IQGAP3: variants seen among roughly 807,000 people sequenced by gnomAD.
IQGAP3 encodes IQ motif containing GTPase activating protein 3.
Under a neutral mutation model 208.2 loss-of-function variants are expected in IQGAP3, and 165 were observed. That is an observed-to-expected ratio of 0.79 (90% CI 0.70 to 0.90). The LOEUF is 0.90. IQGAP3 is among the 40% of genes least tolerant of loss of function. The pLI is 0.00. For missense variants in IQGAP3, 1,811 were observed against 2,043.1 expected (o/e 0.89, Z 2.19); for synonymous variants, 703 against 803.6 (o/e 0.87, Z 2.12).
chr1:156,533,570 G>C (rs776765888), intron 31 of IQGAP3, among the ~76,000 whole-genome samples: 3 of 152,102 alleles, frequency 2.0e-5, no homozygotes, highest in African/African-American at 4.8e-5. Context: ...CATGATGATC[G>C]TGGGTCCCTC....
chr1:156,544,383 A>C lies in IQGAP3; in HGVS notation c.2388+6T>G. The C allele has an allele frequency of 6.2e-7, 1 of 1,610,794 alleles. No homozygotes were observed. The highest frequency in any genetic ancestry group is 8.5e-7 in the Non-Finnish European group (1 of 1,176,938). ...GAAAGGAGCCTGCCAAAACCACCGT[A>C]GCTACCTTGATTATGGCATCCAGGT... On this transcript the variant is annotated splice_donor_region_variant and intron_variant, in intron 20 of 37. Transcript: ENST00000361170.
Position 156,534,026 on chromosome 1 carries a change from G to T in IQGAP3, c.3856C>A (p.Leu1286Met). 6.2e-7 allele frequency: 1 copy of T among 1,613,718 alleles called. No individual in the cohort carries two copies. Among genetic ancestry groups the T allele is most frequent in the Non-Finnish European group, 8.5e-7 (1 of 1,180,010 alleles). The change falls in exon 30 of 38, where the codon CTG (leucine) becomes ATG (methionine). Residue 1286 changes from leucine (L) to methionine (M), a missense_variant. Physicochemically the swap from Leu to Met is conservative, Grantham distance 15 (BLOSUM62 2). Transcript: ENST00000361170. ...CCCCTCACCCTGTGCGTGTTGACCA[G>T]CTCCCCCACGGTGATGTACACCATG... The part of the protein sequence containing the change: ...KPMVYITVGE[L>M]VNTHRLLLEH...
intron 12 of IQGAP3, among the ~76,000 whole-genome samples, chr1:156,555,649 G>A (rs1002731849): frequency 6.6e-6 from 1 of 152,078 alleles, no homozygotes; most frequent in Non-Finnish European, 1.5e-5. Flanking sequence ...AAGCAAATAT[G>A]TTCCCTTATT....
chr1:156,554,093 G>A (rs965514763), intron 13 of IQGAP3, 142 bp downstream of exon 13: 12 of 950,020 alleles, frequency 1.3e-5, no homozygotes, highest in Non-Finnish European at 1.9e-5. Context: ...CACAGGCCAA[G>A]GAACTGTGAA....
chr1:156,563,631 T>A lies in IQGAP3; in HGVS notation c.541A>T (p.Lys181Ter). The stretch of plus-strand genomic sequence containing the variant: ...AAGGCAGGCAGCTGGAGGCCATATT[T>A]GGCCAGTTCGGACGCCATGTTGCTG... ...ELSNMASELA[K>*]YGLQLPAFSK... is the part of the protein sequence containing the mutation. Residue 181 changes from lysine to a stop codon, truncating the protein, a stop_gained, in exon 7 of 38, where the codon AAA becomes TAA. Transcript: ENST00000361170. LOFTEE classifies it high-confidence loss of function. The A allele has an allele frequency of 1.2e-6, 2 of 1,613,190 alleles. No homozygotes were observed. Among genetic ancestry groups the A allele is most frequent in the Non-Finnish European group, 1.7e-6 (2 of 1,179,804 alleles).
chr1:156,540,175 TG>T (rs1003493287), intron 23 of IQGAP3, among the ~76,000 whole-genome samples, 185 bp from the exon 24 acceptor site: 1 of 152,148 alleles, frequency 6.6e-6, no homozygotes, highest in African/African-American at 2.4e-5. Flanking sequence ...AGACTCCATC[TG>T]TTTCCTCTCC....
rs766798980 is a variant in IQGAP3, at chr1:156,560,975, C to A, written c.1088G>T (p.Gly363Val). 1 of 1,613,824 alleles carries A rather than the reference C, an allele frequency of 6.2e-7. No individual in the cohort carries two copies. Among genetic ancestry groups the A allele is most frequent in the African/African-American group, 1.3e-5 (1 of 74,890 alleles). ...ELLEKEEVQA[G>V]VAAANTKGDQ... is the part of the protein sequence containing the mutation. ...ACCCTTTGTGTTGGCTGCAGCCACA[C>A]CAGCCTGGACTTCCTCCTTTTCCAG... Residue 363 changes from glycine (G) to valine (V), a missense_variant, in exon 11 of 38, where the codon GGT becomes GTT. By Grantham distance (109) the Gly-to-Val change is moderately radical. Transcript: ENST00000361170.
In IQGAP3 at chr1:156,540,770, G is replaced by A; in HGVS notation, c.2677C>T (p.Gln893Ter). The A allele has an allele frequency of 6.2e-7, 1 of 1,614,114 alleles. No individual in the cohort carries two copies. Residue 893 changes from glutamine to a stop codon, truncating the protein, a stop_gained, in exon 23 of 38, where the codon CAG (glutamine) becomes TAG (stop). Transcript: ENST00000361170. LOFTEE classifies it high-confidence loss of function. ...RKIRSNQQLE[Q>*]DLNIMDIKIG... ...TTGATGTCCATGATGTTGAGGTCCT[G>A]CTCCAGCTGCTGATTGGATCGGATC...
At chr1:156,562,955 C>T (rs1345101721) in intron 8 of IQGAP3, among the ~76,000 whole-genome samples, 179 bp downstream of exon 8, 2 of 152,234 alleles carry the variant, frequency 1.3e-5, no homozygotes, top group African/African-American at 2.4e-5. Context: ...GTCTTCTCTT[C>T]GGAATTCTCA....
intron 12 of IQGAP3, among the ~76,000 whole-genome samples, chr1:156,555,336 C>T (rs1675778283): frequency 6.6e-6 from 1 of 152,166 alleles, no homozygotes; most frequent in Non-Finnish European, 1.5e-5. Context: ...GATCTCTGAG[C>T]CTCAGCCTCT....
At chr1:156,545,898 C>A (rs1363021635) in intron 19 of IQGAP3, among the ~76,000 whole-genome samples, 3 of 152,164 alleles carry the variant, frequency 2.0e-5, no homozygotes, top group Non-Finnish European at 2.9e-5. Context: ...GACTTGGGAG[C>A]AACTCCTTTC....
chr1:156,535,013 A>G, intron 28 of IQGAP3, 150 bp downstream of exon 28: 1 of 720,188 alleles, frequency 1.4e-6, no homozygotes, highest in Non-Finnish European at 2.5e-6. Flanking sequence ...CCTGCGGGTG[A>G]GCCAGGCTCC....
At chr1:156,570,244 G>C (rs897225420) in intron 1 of IQGAP3, among the ~76,000 whole-genome samples, 1 of 151,996 alleles carries the variant, frequency 6.6e-6, no homozygotes, top group Non-Finnish European at 1.5e-5. Context: ...CTACTCTTAA[G>C]AAATGCAGAG....
At chr1:156,548,802 G>A (rs1571338230) in intron 16 of IQGAP3, 54 bp from the exon 17 acceptor site, 1 of 1,498,274 alleles carries the variant, frequency 6.7e-7, no homozygotes, top group Non-Finnish European at 8.9e-7. Context: ...TCCCTCCCAT[G>A]GGCCTTGGCC....
chr1:156,530,196 C>T lies in IQGAP3; in HGVS notation c.4313G>A (p.Arg1438Gln), dbSNP rs781305314. The change falls in exon 34 of 38, where the codon CGG becomes CAG. Residue 1438 changes from arginine (R) to glutamine (Q), a missense_variant. By Grantham distance (43) the Arg-to-Gln change is conservative. Transcript: ENST00000361170. ...TCGGCGTAGGTTCCGCAGGACGCGC[C>T]GCTGCTTCTCTGCCAGTGGCAGGAG... ...HSLLPLAEKQ[R>Q]RVLRNLRRLE... 62 of 1,612,894 alleles carry T rather than the reference C, an allele frequency of 3.8e-5. No homozygotes were observed. Among genetic ancestry groups the T allele is most frequent in the Middle Eastern group, 1.6e-4 (1 of 6,082 alleles).
chr1:156,572,402 C>T, intron 1 of IQGAP3, 91 bp downstream of exon 1: 4 of 1,401,568 alleles, frequency 2.9e-6, no homozygotes, highest in Non-Finnish European at 4.0e-6. Flanking sequence ...AGGCTTCACG[C>T]CCGACACACG....
chr1:156,547,815 A>G (rs1296356956), intron 19 of IQGAP3, among the ~76,000 whole-genome samples: 2 of 152,170 alleles, frequency 1.3e-5, no homozygotes, highest in East Asian at 3.8e-4. Flanking sequence ...CGTTATCCCC[A>G]TTTTCAGATG....
intron 24 of IQGAP3, 98 bp downstream of exon 24, chr1:156,539,740 A>T (rs974033259): frequency 2.6e-5 from 36 of 1,399,494 alleles, no homozygotes; most frequent in Non-Finnish European, 3.3e-5. Flanking sequence ...ATGGGAAAGG[A>T]CACCTTGCAT....
intron 28 of IQGAP3, 111 bp downstream of exon 28, chr1:156,535,052 T>C: frequency 2.3e-6 from 2 of 874,146 alleles, no homozygotes; most frequent in Middle Eastern, 2.2e-4. Flanking sequence ...ATTTCCCTCC[T>C]TGGATTTTTA....
Sources: gnomAD v4.1 joint callset for allele counts (sites outside exome capture counted in the v4.1 genomes callset) on GRCh38, gnomAD v4.1.1 for gene constraint, MANE v1.5 for transcripts, NCBI Gene and HGNC (gene_info 2026-07-23, HGNC 2026-07-21) for gene names.